The following UBE2E2 variants were observed in gnomAD, a reference collection of about 807,000 sequenced individuals.
UBE2E2 encodes the protein ubiquitin-conjugating enzyme E2 E2.
UBE2E2 carries 6 observed loss-of-function variants against 24.7 expected under a neutral mutation model. The observed-to-expected ratio is 0.24, with a 90% CI of 0.13 to 0.48. The LOEUF is 0.48. UBE2E2 is among the 20% of genes least tolerant of loss of function. The pLI, the probability that UBE2E2 is intolerant of heterozygous loss-of-function variation, is 0.99. For missense variants in UBE2E2, 169 were observed against 245.0 expected (o/e 0.69, Z 2.07); for synonymous variants, 104 against 83.6 (o/e 1.24, Z -1.33).
intron 5 of UBE2E2, among the ~76,000 whole-genome samples, chr3:23,562,550 C>A (rs1354391466): frequency 6.6e-6 from 1 of 152,062 alleles, no homozygotes; most frequent in Non-Finnish European, 1.5e-5. Flanking sequence ...TGTATCTCTG[C>A]CAGGCTTTGG....
At chr3:23,438,844 T>G (rs540951593) in intron 3 of UBE2E2, among the ~76,000 whole-genome samples, 38 of 152,172 alleles carry the variant, frequency 2.5e-4, no homozygotes, top group Non-Finnish European at 5.0e-4. Flanking sequence ...AGAATTACTG[T>G]GGGTTTATGA....
At chr3:23,330,048 C>A (rs1284537633) in intron 3 of UBE2E2, among the ~76,000 whole-genome samples, 2 of 152,022 alleles carry the variant, frequency 1.3e-5, no homozygotes, top group East Asian at 1.9e-4. Flanking sequence ...GTGATGCTAC[C>A]CCATACATTT....
At chr3:23,513,261 A>G (rs1694649436) in intron 4 of UBE2E2, among the ~76,000 whole-genome samples, 1 of 152,228 alleles carries the variant, frequency 6.6e-6, no homozygotes, top group South Asian at 2.1e-4. Context: ...TATACACAGT[A>G]AAAAGTTCAA....
At chr3:23,368,985 G>T (rs1262142962) in intron 3 of UBE2E2, among the ~76,000 whole-genome samples, 2 of 152,080 alleles carry the variant, frequency 1.3e-5, no homozygotes, top group African/African-American at 4.8e-5. Context: ...TTGCAGCTTT[G>T]GTATGTGAAT....
Position 23,239,945 on chromosome 3 carries a change from C to T in UBE2E2, c.227+22633C>T, listed in dbSNP as rs369335893. 2.8e-4 allele frequency among the ~76,000 whole-genome samples: 43 copies of T among 152,270 alleles called. No homozygotes were observed. The South Asian group carries it at 8.9e-3, about 32-fold the overall frequency. On this transcript the variant is annotated intron_variant, in intron 3 of 5. Coordinates refer to ENST00000396703, the MANE Select transcript of UBE2E2 (RefSeq NM_152653.4). ...TTATTCCTCTTTTAAAGTGTAATTTCTGTTTCTACCTAGTTTCAAGTAAGT... is the reference window on the plus strand; with the variant it reads ...TTATTCCTCTTTTAAAGTGTAATTTTTGTTTCTACCTAGTTTCAAGTAAGT...
intron 3 of UBE2E2, among the ~76,000 whole-genome samples, chr3:23,243,305 T>C (rs1382568180): frequency 1.3e-5 from 2 of 152,340 alleles, no homozygotes; most frequent in African/African-American, 2.4e-5. Flanking sequence ...TAGGCACTTA[T>C]GAGGTAGCAG....
In UBE2E2 at chr3:23,364,263, G is replaced by C. The variant is rs1004808987; in HGVS notation, c.228-135345G>C. Among the ~76,000 whole-genome samples, 4 of 151,930 alleles carry C rather than the reference G, an allele frequency of 2.6e-5. No individual in the cohort carries two copies. In the South Asian group the frequency reaches 6.2e-4, roughly 24 times the overall value. ...ACCCCAGAGCTAGCAGAAGACAACA[G>C]ATAACCAAAATCAGAGCTGAAATGA... On this transcript the variant is annotated intron_variant, in intron 3 of 5. Transcript: ENST00000396703.
intron 3 of UBE2E2, among the ~76,000 whole-genome samples, chr3:23,284,328 G>T (rs978946823): frequency 1.3e-5 from 2 of 152,050 alleles, no homozygotes; most frequent in Non-Finnish European, 2.9e-5. Flanking sequence ...AAAATGTAAA[G>T]ACTCTTTTTG....
intron 3 of UBE2E2, among the ~76,000 whole-genome samples, chr3:23,395,521 G>A (rs1340832787): frequency 6.6e-6 from 1 of 152,154 alleles, no homozygotes; most frequent in African/African-American, 2.4e-5. Flanking sequence ...GTGTATTTGG[G>A]TGAATTAGAA....
chr3:23,573,061 A>C (rs1469832111), intron 5 of UBE2E2, among the ~76,000 whole-genome samples: 3 of 152,208 alleles, frequency 2.0e-5, no homozygotes, highest in Admixed American at 6.6e-5. Flanking sequence ...GAAAGGAATG[A>C]GGTACGATGA....
At chr3:23,483,136 G>A (rs1330979361) in intron 3 of UBE2E2, among the ~76,000 whole-genome samples, 2 of 152,148 alleles carry the variant, frequency 1.3e-5, no homozygotes, top group African/African-American at 4.8e-5. Context: ...TGTATCTCCT[G>A]CTTTCAGTCC....
intron 3 of UBE2E2, among the ~76,000 whole-genome samples, chr3:23,263,588 G>A (rs1160356604): frequency 6.6e-6 from 1 of 152,116 alleles, no homozygotes; most frequent in Non-Finnish European, 1.5e-5. Context: ...TTTCTATAGT[G>A]GATGAGGGCC....
At chr3:23,580,328 A>C (rs1459277117) in intron 5 of UBE2E2, among the ~76,000 whole-genome samples, 1 of 152,226 alleles carries the variant, frequency 6.6e-6, no homozygotes, top group Non-Finnish European at 1.5e-5. Context: ...ATTGTAAGAA[A>C]TTGCCATAGC....
At chr3:23,247,121 C>T (rs886770715) in intron 3 of UBE2E2, among the ~76,000 whole-genome samples, 2 of 152,084 alleles carry the variant, frequency 1.3e-5, no homozygotes, top group African/African-American at 2.4e-5. Context: ...CCCAAAGTGC[C>T]TTTCTGGGCT....
intron 3 of UBE2E2, among the ~76,000 whole-genome samples, chr3:23,393,276 G>A (rs1358057917): frequency 1.3e-5 from 2 of 152,184 alleles, no homozygotes; most frequent in Non-Finnish European, 2.9e-5. Flanking sequence ...GGAACTGTCT[G>A]TGAAGACTCC....
chr3:23,354,759 GAACACTTTTACACTGTT>G (rs1269635070), intron 3 of UBE2E2, among the ~76,000 whole-genome samples: 3 of 152,288 alleles, frequency 2.0e-5, no homozygotes, highest in Non-Finnish European at 2.9e-5. Flanking sequence ...GGAGAAACAG[GAACACTTTTACACTGTT>G]GGTGGGAATG....
intron 5 of UBE2E2, among the ~76,000 whole-genome samples, chr3:23,546,097 A>G (rs1206480009): frequency 6.6e-6 from 1 of 152,218 alleles, no homozygotes; most frequent in Non-Finnish European, 1.5e-5. Context: ...CTCAGACTTT[A>G]CCACTATACA....
chr3:23,543,269 T>A (rs1695436772), intron 5 of UBE2E2, among the ~76,000 whole-genome samples: 1 of 152,184 alleles, frequency 6.6e-6, no homozygotes, highest in Non-Finnish European at 1.5e-5. Context: ...GAAGTCAAAT[T>A]ATCTCTGTTT....
intron 5 of UBE2E2, among the ~76,000 whole-genome samples, chr3:23,562,098 A>T (rs1428723712): frequency 2.0e-5 from 3 of 152,080 alleles, no homozygotes. Flanking sequence ...AGAACTTCCA[A>T]CACTATGTTG....
Sources: gnomAD v4.1 joint callset for allele counts (sites outside exome capture counted in the v4.1 genomes callset) on GRCh38, gnomAD v4.1.1 for gene constraint, MANE v1.5 for transcripts, NCBI Gene and HGNC (gene_info 2026-07-23, HGNC 2026-07-21) for gene names.